The following ADAMTS18 variants were observed in gnomAD, a reference collection of about 807,000 sequenced individuals.
The protein encoded by ADAMTS18 is A disintegrin and metalloproteinase with thrombospondin motifs 18.
In ADAMTS18, 157 loss-of-function variants were observed where a neutral mutation model predicts 165.9. That is an observed-to-expected ratio of 0.95 (90% CI 0.83 to 1.08). The LOEUF is 1.08. ADAMTS18 is among the 50% of genes least tolerant of loss of function. ADAMTS18 has a pLI of 0.00. For missense variants in ADAMTS18, 2,040 were observed against 1,534.0 expected, an observed-to-expected ratio of 1.33 and a Z score of -5.51; for synonymous variants, 782 against 578.2, an observed-to-expected ratio of 1.35 and a Z score of -5.06.
In ADAMTS18 at chr16:77,333,605, C is replaced by T. The variant is rs185044664; in HGVS notation, c.1859+2151G>A. Among the ~76,000 whole-genome samples the T allele has an allele frequency of 1.7e-3, 250 of 151,368 alleles. 2 individuals are homozygous for T. The highest frequency in any genetic ancestry group is 5.8e-3 in the African/African-American group (240 of 41,320). On this transcript the variant is annotated intron_variant, in intron 12 of 22. Coordinates refer to ENST00000282849, the MANE Select transcript of ADAMTS18 (RefSeq NM_199355.4). Reference sequence around the variant, plus strand: ...AAAATCCCAAAAGGAAGGAATACCCCAAAGAAGGGAAATCAGTGTATAGAG... The same window carrying T: ...AAAATCCCAAAAGGAAGGAATACCCTAAAGAAGGGAAATCAGTGTATAGAG...
At chr16:77,291,566 C>G (rs2055365753) in intron 20 of ADAMTS18, 88 bp from the exon 21 acceptor site, 2 of 1,314,186 alleles carry the variant, frequency 1.5e-6, no homozygotes, top group African/African-American at 2.9e-5. Context: ...GTTGCACCAT[C>G]CACATGAAAT....
At position 77,431,574 on chromosome 16, in the gene ADAMTS18, G is replaced by A. The variant is rs80153679; in HGVS notation, c.216C>T (p.Ala72=). The stretch of plus-strand genomic sequence containing the variant: ...AAATGTCGTGTGAAATATATGACCC[G>A]GCTGAGTCTACTTCTACTGGCGTGA... ...VFVTPVEVDS[A]GSYISHDILH... is the part of the protein sequence containing the mutation. The change falls in exon 3 of 23, where the codon GCC becomes GCT. Residue 72 remains alanine, a synonymous_variant. Transcript: ENST00000282849. 43 of 1,613,984 alleles carry A rather than the reference G, an allele frequency of 2.7e-5. No homozygotes were observed. Among genetic ancestry groups the A allele is most frequent in the East Asian group, 4.5e-5 (2 of 44,890 alleles).
At chr16:77,407,490 C>G (rs193083611) in intron 3 of ADAMTS18, among the ~76,000 whole-genome samples, 6 of 152,124 alleles carry the variant, frequency 3.9e-5, no homozygotes, top group Admixed American at 6.5e-5. Context: ...ACAATATAGT[C>G]ACGACAATCC....
chr16:77,423,810 G>A (rs182924203), intron 3 of ADAMTS18, among the ~76,000 whole-genome samples: 43 of 152,222 alleles, frequency 2.8e-4, no homozygotes, highest in African/African-American at 1.0e-3. Context: ...ATTCCCGCAA[G>A]CAGAATTGCC....
intron 3 of ADAMTS18, among the ~76,000 whole-genome samples, chr16:77,426,582 A>G (rs1480682931): frequency 3.9e-5 from 6 of 152,254 alleles, no homozygotes; most frequent in Admixed American, 3.9e-4. Flanking sequence ...TAAAAATAGC[A>G]GTTGCCAGGT....
At chr16:77,429,696 A>T (rs2057715584) in intron 3 of ADAMTS18, among the ~76,000 whole-genome samples, 1 of 152,186 alleles carries the variant, frequency 6.6e-6, no homozygotes, top group Admixed American at 6.5e-5. Flanking sequence ...GAGATTATTA[A>T]TTTGAGACAA....
At chr16:77,370,186 G>T (rs139069331) in intron 3 of ADAMTS18, among the ~76,000 whole-genome samples, 6 of 152,104 alleles carry the variant, frequency 3.9e-5, no homozygotes, top group Admixed American at 3.3e-4. Context: ...AGACAAAGAT[G>T]CCCACTTTCA....
chr16:77,326,523 G>C (rs1255180537), intron 12 of ADAMTS18, among the ~76,000 whole-genome samples: 1 of 151,946 alleles, frequency 6.6e-6, no homozygotes, highest in Non-Finnish European at 1.5e-5. Context: ...GCTGGGACTG[G>C]AGGCATGCAC....
rs552640105 is a variant in ADAMTS18, at chr16:77,325,877, G to A, written c.2021C>T (p.Thr674Ile). 1 of 1,613,720 alleles carries A rather than the reference G, an allele frequency of 6.2e-7. No homozygotes were observed. The highest frequency in any genetic ancestry group is 1.3e-5 in the African/African-American group (1 of 74,986). Residue 674 changes from threonine to isoleucine, a missense_variant, in exon 13 of 23, where the codon ACA becomes ATA. Thr to Ile is a moderately conservative substitution (Grantham distance 89). Transcript: ENST00000282849. Reference sequence around the variant, plus strand: ...AGAGACCAAATTACCTTCCACTTTTGTATAGGGTTTCCACTGGTAGAACCA... The same window carrying A: ...AGAGACCAAATTACCTTCCACTTTTATATAGGGTTTCCACTGGTAGAACCA... Reference protein sequence around the residue: ...RGWFYQWKPYTKVEEEDRCKL... With the variant: ...RGWFYQWKPYIKVEEEDRCKL...
At chr16:77,334,823 C>CTA (rs2056278215) in intron 12 of ADAMTS18, among the ~76,000 whole-genome samples, 2 of 117,810 alleles carry the variant, frequency 1.7e-5, no homozygotes, top group East Asian at 2.5e-4. Context: ...AGTATATATA[C>CTA]TATATACTAT....
chr16:77,415,416 C>A (rs1356609154), intron 3 of ADAMTS18, among the ~76,000 whole-genome samples: 1 of 152,186 alleles, frequency 6.6e-6, no homozygotes, highest in Non-Finnish European at 1.5e-5. Flanking sequence ...GGCATAGCTG[C>A]ATATCACCAC....
chr16:77,299,301 A>G (rs1597092774), intron 17 of ADAMTS18, among the ~76,000 whole-genome samples: 2 of 152,230 alleles, frequency 1.3e-5, no homozygotes, highest in African/African-American at 4.8e-5. Flanking sequence ...TATGGGGATT[A>G]CCTTTCTTCT....
At chr16:77,391,741 G>A (rs1176648397) in intron 3 of ADAMTS18, among the ~76,000 whole-genome samples, 3 of 152,054 alleles carry the variant, frequency 2.0e-5, no homozygotes, top group African/African-American at 7.2e-5. Flanking sequence ...AACTCTACTC[G>A]ATTTCAAGTT....
chr16:77,361,679 T>C (rs1325551852), intron 7 of ADAMTS18, among the ~76,000 whole-genome samples: 1 of 151,822 alleles, frequency 6.6e-6, no homozygotes, highest in East Asian at 1.9e-4. Context: ...AGGTCAGGAG[T>C]TCGAGACCAG....
intron 3 of ADAMTS18, among the ~76,000 whole-genome samples, chr16:77,372,774 G>A (rs2056894776): frequency 6.6e-6 from 1 of 152,092 alleles, no homozygotes; most frequent in Admixed American, 6.6e-5. Context: ...CACACATCAT[G>A]CTGGTAGATG....
At chr16:77,391,022 C>CT (rs1191726266) in intron 3 of ADAMTS18, among the ~76,000 whole-genome samples, 2 of 152,158 alleles carry the variant, frequency 1.3e-5, no homozygotes, top group African/African-American at 4.8e-5. Flanking sequence ...TCTATCCAAT[C>CT]TCAATTGTGC....
chr16:77,315,096 G>T (rs1348922283), intron 16 of ADAMTS18, among the ~76,000 whole-genome samples: 1 of 151,582 alleles, frequency 6.6e-6, no homozygotes, highest in African/African-American at 2.4e-5. Flanking sequence ...AATATTTAAG[G>T]CTAGTGCTAC....
At chr16:77,376,471 A>G (rs966278283) in intron 3 of ADAMTS18, among the ~76,000 whole-genome samples, 1 of 152,170 alleles carries the variant, frequency 6.6e-6, no homozygotes, top group African/African-American at 2.4e-5. Flanking sequence ...GTGGTGGAAG[A>G]GCTGCCCCAA....
chr16:77,323,242 C>A (rs1160725740), intron 13 of ADAMTS18, among the ~76,000 whole-genome samples: 2 of 152,124 alleles, frequency 1.3e-5, no homozygotes, highest in South Asian at 2.1e-4. Flanking sequence ...TCACAGGAGA[C>A]CTTCTGTGGG....
Sources: allele counts gnomAD v4.1 joint callset (sites outside exome capture counted in the v4.1 genomes callset), GRCh38; gene constraint gnomAD v4.1.1; transcripts MANE v1.5; gene names NCBI Gene and HGNC (gene_info 2026-07-23, HGNC 2026-07-21).